The following PTPRT variants were observed in gnomAD, a reference collection of about 807,000 sequenced individuals.
The protein encoded by PTPRT is protein tyrosine phosphatase receptor type T, also known as receptor-type tyrosine-protein phosphatase T.
In PTPRT, 56 loss-of-function variants were observed where a neutral mutation model predicts 176.8. The observed-to-expected ratio is 0.32, with a 90% CI of 0.26 to 0.40. The LOEUF is 0.40. Among genes scored for constraint, PTPRT ranks in the 10% least tolerant of loss-of-function variants. PTPRT has a pLI of 1.00. For synonymous variants in PTPRT, 783 were observed against 739.0 expected (o/e 1.06, Z -0.96); for missense variants, 1,540 against 1,908.2 (o/e 0.81, Z 3.60).
intron 7 of PTPRT, among the ~76,000 whole-genome samples, chr20:42,665,693 C>G (rs2075302794): frequency 6.6e-6 from 1 of 152,188 alleles, no homozygotes; most frequent in African/African-American, 2.4e-5. Context: ...GGAACCAACC[C>G]AAATGTCCAA....
At chr20:42,768,042 CCTGA>C (rs1193598306) in intron 5 of PTPRT, among the ~76,000 whole-genome samples, 5 of 142,110 alleles carry the variant, frequency 3.5e-5, no homozygotes, top group Admixed American at 7.2e-5. Context: ...TCTGGAGAAC[CCTGA>C]CTAATACAGC....
chr20:42,494,261 TTTTAA>T (rs2071610465), intron 7 of PTPRT, among the ~76,000 whole-genome samples: 1 of 152,134 alleles, frequency 6.6e-6, no homozygotes, highest in Admixed American at 6.6e-5. Flanking sequence ...TAATCCTCTA[TTTTAA>T]TTTGTTTTTA....
rs4812589 is a variant in PTPRT at position 42,346,565 on chromosome 20, G to A, written c.1865+4063C>T. On this transcript the variant is annotated intron_variant, in intron 11 of 30. Transcript: ENST00000373187. Reference sequence around the variant, plus strand: ...TCCATTGTGGAGTGTTAGAAAAATAGGCCAAGCTGCTGAGGTGGTTTGGCT... The same window carrying A: ...TCCATTGTGGAGTGTTAGAAAAATAAGCCAAGCTGCTGAGGTGGTTTGGCT... Among the ~76,000 whole-genome samples, 974 of 152,276 alleles carry A rather than the reference G, an allele frequency of 6.4e-3. 38 individuals are homozygous for A. The highest frequency in any genetic ancestry group is 0.057 in the Admixed American group (866 of 15,286).
chr20:42,536,954 T>C (rs1251195744), intron 7 of PTPRT, among the ~76,000 whole-genome samples: 1 of 152,194 alleles, frequency 6.6e-6, no homozygotes, highest in African/African-American at 2.4e-5. Context: ...CCAACCTAAA[T>C]GTCTATTGAT....
chr20:42,403,139 A>G (rs914112281), intron 9 of PTPRT, among the ~76,000 whole-genome samples: 3 of 152,122 alleles, frequency 2.0e-5, no homozygotes, highest in African/African-American at 4.8e-5. Context: ...TCATTTTTAC[A>G]TAGTTTCAGT....
intron 9 of PTPRT, among the ~76,000 whole-genome samples, chr20:42,433,162 A>C (rs1056001792): frequency 6.6e-6 from 1 of 152,182 alleles, no homozygotes; most frequent in Middle Eastern, 3.4e-3. Context: ...TTTCCCCAGA[A>C]CCTCACACCA....
At chr20:43,169,479 A>C (rs2014941950) in intron 1 of PTPRT, among the ~76,000 whole-genome samples, 1 of 152,190 alleles carries the variant, frequency 6.6e-6, no homozygotes, top group African/African-American at 2.4e-5. Flanking sequence ...TGCTTTTTAC[A>C]TTTATACCTC....
intron 7 of PTPRT, among the ~76,000 whole-genome samples, chr20:42,579,106 T>G (rs1446015907): frequency 7.3e-6 from 1 of 136,140 alleles, no homozygotes; most frequent in East Asian, 2.2e-4. Context: ...CCCCTTCCTG[T>G]GTCCATGTGT....
intron 6 of PTPRT, among the ~76,000 whole-genome samples, chr20:42,689,553 T>C (rs913092154): frequency 1.3e-5 from 2 of 152,114 alleles, no homozygotes; most frequent in Non-Finnish European, 2.9e-5. Context: ...ATAAGGGAAA[T>C]CTCTCATTTC....
chr20:42,797,780 A>C (rs1485751449), intron 2 of PTPRT, among the ~76,000 whole-genome samples: 1 of 152,184 alleles, frequency 6.6e-6, no homozygotes, highest in Non-Finnish European at 1.5e-5. Flanking sequence ...GGGGGCCAGG[A>C]GAGTCAGAAT....
At chr20:42,456,250 A>T (rs2070922386) in intron 8 of PTPRT, among the ~76,000 whole-genome samples, 2 of 152,050 alleles carry the variant, frequency 1.3e-5, no homozygotes, top group African/African-American at 2.4e-5. Context: ...ATGTCTTGGC[A>T]AACATGCTAT....
intron 6 of PTPRT, among the ~76,000 whole-genome samples, chr20:42,714,845 G>A (rs1486130257): frequency 6.6e-6 from 1 of 152,192 alleles, no homozygotes; most frequent in East Asian, 1.9e-4. Flanking sequence ...GTACCAGAGA[G>A]TTCATATGGG....
chr20:42,066,856 G>C, the PTPRT span, among the ~76,000 whole-genome samples: 1 of 151,998 alleles, frequency 6.6e-6, no homozygotes, highest in African/African-American at 2.4e-5. Context: ...CTCTCGATTA[G>C]ACTTCTCAGC....
intron 15 of PTPRT, among the ~76,000 whole-genome samples, chr20:42,204,820 A>G (rs894706109): frequency 3.3e-5 from 5 of 152,086 alleles, no homozygotes; most frequent in Non-Finnish European, 4.4e-5. Flanking sequence ...TGTGGAAATC[A>G]TGCTACGAGA....
At chr20:42,483,978 G>T (rs1458187854) in intron 7 of PTPRT, among the ~76,000 whole-genome samples, 1 of 152,174 alleles carries the variant, frequency 6.6e-6, no homozygotes, top group Admixed American at 6.5e-5. Context: ...CACAGCATTT[G>T]GATCTAGCTT....
At chr20:43,041,121 C>G (rs1003579108) in intron 1 of PTPRT, among the ~76,000 whole-genome samples, 1 of 152,134 alleles carries the variant, frequency 6.6e-6, no homozygotes, top group African/African-American at 2.4e-5. Context: ...AGTTTGAGAC[C>G]GTCTCCAATC....
chr20:42,831,745 T>G (rs1004753591), intron 2 of PTPRT, among the ~76,000 whole-genome samples: 1 of 152,276 alleles, frequency 6.6e-6, no homozygotes, highest in Non-Finnish European at 1.5e-5. Flanking sequence ...AAAGAAGACA[T>G]ACATGCATCC....
chr20:42,069,872 C>T (rs1171031929), downstream of PTPRT, among the ~76,000 whole-genome samples: 1 of 152,050 alleles, frequency 6.6e-6, no homozygotes, highest in Non-Finnish European at 1.5e-5. Context: ...GTTATAATCC[C>T]ATGCTTTTCT....
rs1555797987 is a variant in PTPRT at position 42,184,575 on chromosome 20, T to TCTTCTG, written c.2491+14664_2491+14665insCAGAAG. Reference sequence around the variant, plus strand: ...TTCTTCTTCTTATTCTTCTTCTTCTTCTTCTTCTTCTTCTTCTTCCTCTTC... The same window carrying TCTTCTG: ...TTCTTCTTCTTATTCTTCTTCTTCTTCTTCTGCTTCTTCTTCTTCTTCTTCCTCTTC... On this transcript the variant is annotated intron_variant, in intron 16 of 30. Transcript: ENST00000373187. Among the ~76,000 whole-genome samples, 33 of 138,970 alleles carry TCTTCTG rather than the reference T, an allele frequency of 2.4e-4. 1 individual carries two copies. The highest frequency in any genetic ancestry group is 8.8e-4 in the African/African-American group (32 of 36,246). The allele number at this position is 138,970 out of a possible 152,430, so 91.2% of individuals were successfully genotyped here.
Sources: allele counts gnomAD v4.1 joint callset (sites outside exome capture counted in the v4.1 genomes callset), GRCh38; gene constraint gnomAD v4.1.1; transcripts MANE v1.5; gene names NCBI Gene and HGNC (gene_info 2026-07-23, HGNC 2026-07-21).